Variants in LMO4 observed in about 807,000 individuals in gnomAD.
LMO4 encodes the protein LIM domain only 4.
Under a neutral mutation model 18.5 loss-of-function variants are expected in LMO4, and 3 were observed. The ratio of observed to expected loss-of-function variants is 0.16; its 90% CI spans 0.07 to 0.42. The LOEUF is 0.42. LMO4 is among the 10% of genes least tolerant of loss of function. The probability of loss-of-function intolerance (pLI) is 0.99; values close to 1 mark genes in which losing one functional copy is unlikely to be tolerated. For missense variants in LMO4, 121 were observed against 219.9 expected (o/e 0.55, Z 2.84); for synonymous variants, 100 against 88.1 (o/e 1.14, Z -0.76).
rs976482253 is a variant in LMO4, at chr1:87,330,104, CTT to C, written c.-4+863_-4+864del. Among the ~76,000 whole-genome samples the C allele has an allele frequency of 2.0e-5, 3 of 147,232 alleles. No homozygotes were observed. In the Admixed American group the frequency reaches 2.1e-4, roughly 10 times the overall value. Reference sequence around the variant, plus strand: ...TCTGGTCAGTCTTCTTGATTCATCTCTTTTAGATTTAATCAGCATTAAGGTAT... The same window carrying C: ...TCTGGTCAGTCTTCTTGATTCATCTCTTAGATTTAATCAGCATTAAGGTAT... On this transcript the variant is annotated intron_variant, in intron 1 of 4. Transcript: ENST00000370544.
At chr1:87,336,502 G>C (rs944600615) in intron 2 of LMO4, among the ~76,000 whole-genome samples, 9 of 152,258 alleles carry the variant, frequency 5.9e-5, no homozygotes, top group African/African-American at 2.2e-4. Context: ...AATACGATTT[G>C]CCCTCCATCT....
chr1:87,331,976 T>C, intron 1 of LMO4, 37 bp from the exon 2 acceptor site: 1 of 1,542,358 alleles, frequency 6.5e-7, no homozygotes, highest in Non-Finnish European at 8.9e-7. Flanking sequence ...GCCCCTGTTT[T>C]GTCTTTCTCT....
At chr1:87,334,661 G>A (rs569891056) in intron 2 of LMO4, among the ~76,000 whole-genome samples, 47 of 152,258 alleles carry the variant, frequency 3.1e-4, no homozygotes, top group African/African-American at 1.1e-3. Flanking sequence ...AAACAACCAA[G>A]GTCTTGCTAA....
rs1372620675 is a variant in LMO4 at position 87,344,915 on chromosome 1, C to T, written c.*119C>T. ...GCTAGCACCAGTGCCAGCTCCATGC[C>T]ATTGCACCTTCTTTAGTCTTGATTG... On this transcript the variant is annotated 3_prime_UTR_variant, in exon 5 of 5. Coordinates refer to ENST00000370544, the MANE Select transcript of LMO4 (RefSeq NM_006769.4). The T allele has an allele frequency of 3.8e-5, 35 of 914,342 alleles. No individual in the cohort carries two copies. Among genetic ancestry groups the T allele is most frequent in the Non-Finnish European group, 6.2e-5 (35 of 562,048 alleles). The allele number at this position is 914,342 out of a possible 1,614,324, so 56.6% of individuals were successfully genotyped here. A position where few individuals can be genotyped will look rare whatever the true frequency, so the allele number is the denominator to read the frequency against.
rs1014052780 is a variant in LMO4 at position 87,348,690 on chromosome 1, C to G, written c.*3894C>G. ...TGATTTTTGGAAGGTGAACTTGCAA[C>G]TTACCTCAAGTGAATACTGTTTTCA... On this transcript the variant is annotated 3_prime_UTR_variant, in exon 5 of 5. Coordinates refer to ENST00000370544, the MANE Select transcript of LMO4 (RefSeq NM_006769.4). 1 of 504,900 alleles carries G rather than the reference C, an allele frequency of 2.0e-6. No individual in the cohort carries two copies. Among genetic ancestry groups the G allele is most frequent in the Non-Finnish European group, 4.0e-6 (1 of 252,716 alleles). 31.3% of individuals were successfully genotyped at this position (504,900 alleles called of 1,614,324 possible). A position where few individuals can be genotyped will look rare whatever the true frequency, so the allele number is the denominator to read the frequency against.
At chr1:87,342,687 T>G (rs1273870665) in intron 4 of LMO4, among the ~76,000 whole-genome samples, 1 of 152,190 alleles carries the variant, frequency 6.6e-6, no homozygotes, top group Admixed American at 6.5e-5. Flanking sequence ...CTCACATTTT[T>G]GCCCTTGGTG....
At chr1:87,331,854 C>CTGTGTAGA in intron 1 of LMO4, 159 bp from the exon 2 acceptor site, 1 of 601,406 alleles carries the variant, frequency 1.7e-6, no homozygotes, top group South Asian at 2.1e-5. Flanking sequence ...CCCTTCTTCC[C>CTGTGTAGA]TCTCCCCCTC....
chr1:87,330,004 CTTTTTTT>C (rs895271767), intron 1 of LMO4, among the ~76,000 whole-genome samples: 26 of 127,218 alleles, frequency 2.0e-4, no homozygotes, highest in South Asian at 7.6e-4. Context: ...TAAAAGCTTT[CTTTTTTT>C]TTTTTTTTTT....
At chr1:87,329,834 C>G (rs376968435) in intron 1 of LMO4, among the ~76,000 whole-genome samples, 2 of 152,070 alleles carry the variant, frequency 1.3e-5, no homozygotes, top group African/African-American at 4.8e-5. Flanking sequence ...GCCAGCGTTA[C>G]GTTTGTCCCT....
At position 87,331,885 on chromosome 1, in the gene LMO4, C is replaced by T. The variant is rs987910202; in HGVS notation, c.-3-128C>T. On this transcript the variant is annotated intron_variant, in intron 1 of 4. Transcript: ENST00000370544. ...CCCTCAGCCTCCTTCCCGCCCTTGC[C>T]CTGCTGTTTCCTTCCAGCAGCTCCG... 12 of 736,476 alleles carry T rather than the reference C, an allele frequency of 1.6e-5. 1 individual carries two copies. The highest frequency in any genetic ancestry group is 1.2e-4 in the Admixed American group (5 of 41,122). 45.6% of individuals were successfully genotyped at this position (736,476 alleles called of 1,614,324 possible). A position where few individuals can be genotyped will look rare whatever the true frequency, so the allele number is the denominator to read the frequency against.
chr1:87,330,696 G>A (rs111614536), intron 1 of LMO4, among the ~76,000 whole-genome samples: 2,143 of 152,260 alleles, frequency 0.014, 46 homozygotes, highest in African/African-American at 0.045. Context: ...CTTCTTCTGA[G>A]GTATCAGCTG....
Position 87,329,191 on chromosome 1 carries a change from C to G in LMO4, c.-57C>G, listed in dbSNP as rs1443055731. The G allele has an allele frequency of 6.6e-6, 1 of 152,224 alleles. No homozygotes were observed. The highest frequency in any genetic ancestry group is 1.5e-5 in the Non-Finnish European group (1 of 68,040). 9.4% of individuals were successfully genotyped at this position (152,224 alleles called of 1,614,324 possible). On this transcript the variant is annotated 5_prime_UTR_variant, in exon 1 of 5. Transcript: ENST00000370544. ...CTTCCCTGGAAGCCGAGCGGCTTCG[C>G]TCGCATTTCACCGCCGCCGCCTCTC... is the stretch of plus-strand genomic sequence containing the variant.
intron 4 of LMO4, among the ~76,000 whole-genome samples, chr1:87,344,349 A>G (rs1438349518): frequency 6.6e-6 from 1 of 152,236 alleles, no homozygotes; most frequent in Non-Finnish European, 1.5e-5. Flanking sequence ...CTGAGACACA[A>G]GCAGTTTAAG....
intron 3 of LMO4, 121 bp from the exon 4 acceptor site, chr1:87,339,926 C>G: frequency 8.8e-7 from 1 of 1,141,202 alleles, no homozygotes; most frequent in Non-Finnish European, 1.3e-6. Flanking sequence ...GAAGAAAAAA[C>G]GCTAAACCCT....
chr1:87,335,394 C>T (rs1342385869), intron 2 of LMO4, among the ~76,000 whole-genome samples: 1 of 151,870 alleles, frequency 6.6e-6, no homozygotes, highest in Non-Finnish European at 1.5e-5. Context: ...GCGGCCAGCA[C>T]CCGGGCCGGC....
intron 2 of LMO4, among the ~76,000 whole-genome samples, chr1:87,333,465 T>G (rs1225196715): frequency 1.3e-5 from 2 of 152,236 alleles, no homozygotes; most frequent in African/African-American, 2.4e-5. Flanking sequence ...ACTATTTTGT[T>G]CAAAGTTTAG....
chr1:87,341,106 T>G (rs1366742981), intron 4 of LMO4, among the ~76,000 whole-genome samples: 1 of 152,200 alleles, frequency 6.6e-6, no homozygotes, highest in Non-Finnish European at 1.5e-5. Flanking sequence ...AAGAGACTGT[T>G]CATTCCACAC....
chr1:87,348,580 G>A lies in LMO4; in HGVS notation c.*3784G>A, dbSNP rs1242279907. 4.8e-6 allele frequency: 2 copies of A among 417,056 alleles called. No homozygotes were observed. The highest frequency in any genetic ancestry group is 3.5e-4 in the Middle Eastern group (1 of 2,888). The allele number at this position is 417,056 out of a possible 1,614,324, so 25.8% of individuals were successfully genotyped here. Reference sequence around the variant, plus strand: ...ACTAGCAGCAAAGTGTAGCACATTCGCCGATGCTGGGTACCTAGTTAAAGA... The same window carrying A: ...ACTAGCAGCAAAGTGTAGCACATTCACCGATGCTGGGTACCTAGTTAAAGA... On this transcript the variant is annotated 3_prime_UTR_variant, in exon 5 of 5. Coordinates refer to ENST00000370544, the MANE Select transcript of LMO4 (RefSeq NM_006769.4).
At chr1:87,337,362 A>G (rs952898760) in intron 2 of LMO4, among the ~76,000 whole-genome samples, 3 of 152,228 alleles carry the variant, frequency 2.0e-5, no homozygotes, top group Admixed American at 6.5e-5. Flanking sequence ...AAGACTTACA[A>G]CTGACTTTAC....
Sources: gnomAD v4.1 joint callset for allele counts (sites outside exome capture counted in the v4.1 genomes callset) on GRCh38, gnomAD v4.1.1 for gene constraint, MANE v1.5 for transcripts, NCBI Gene and HGNC (gene_info 2026-07-23, HGNC 2026-07-21) for gene names.